IPCEF1: variants seen among roughly 807,000 people sequenced by gnomAD.
The protein encoded by IPCEF1 is interaction protein for cytohesin exchange factors 1, also known as interactor protein for cytohesin exchange factors 1.
IPCEF1 carries 31 observed loss-of-function variants against 50.9 expected under a neutral mutation model. The observed-to-expected ratio is 0.61, with a 90% confidence interval of 0.46 to 0.82. The LOEUF (loss-of-function observed/expected upper bound fraction) is 0.82, where lower values mean the gene tolerates loss of function less well. Among genes scored for constraint, IPCEF1 ranks in the 40% least tolerant of loss-of-function variants. The pLI, the probability that IPCEF1 is intolerant of heterozygous loss-of-function variation, is 0.00. For missense variants in IPCEF1, 458 were observed against 514.0 expected, an observed-to-expected ratio of 0.89 and a Z score of 1.05; for synonymous variants, 181 against 192.0, an observed-to-expected ratio of 0.94 and a Z score of 0.47.
chr6:154,302,247 A>C (rs1413911004), intron 1 of IPCEF1, among the ~76,000 whole-genome samples: 1 of 152,208 alleles, frequency 6.6e-6, no homozygotes, highest in African/African-American at 2.4e-5. Context: ...TGACTCCACA[A>C]ACCACTAGGT....
At chr6:154,195,455 A>G (rs1051513411) in intron 10 of IPCEF1, among the ~76,000 whole-genome samples, 6 of 151,754 alleles carry the variant, frequency 4.0e-5, no homozygotes, top group Admixed American at 1.3e-4. Flanking sequence ...CCCAGCTACA[A>G]TAATTTTTCT....
chr6:154,180,262 G>GGTTCCCAGGTTTTGTAC (rs1800718901), intron 10 of IPCEF1, among the ~76,000 whole-genome samples: 1 of 151,764 alleles, frequency 6.6e-6, no homozygotes, highest in African/African-American at 2.4e-5. Context: ...TGTTAGACTA[G>GGTTCCCAGGTTTTGTAC]CTTAGGATGT....
chr6:154,169,851 TCA>T (rs1799735167), intron 10 of IPCEF1, among the ~76,000 whole-genome samples: 2 of 152,216 alleles, frequency 1.3e-5, no homozygotes, highest in Admixed American at 1.3e-4. Context: ...CCAAGGAGAC[TCA>T]GTTCCAAGAC....
At chr6:154,322,587 C>T (rs1167523346) in intron 1 of IPCEF1, among the ~76,000 whole-genome samples, 1 of 152,046 alleles carries the variant, frequency 6.6e-6, no homozygotes, top group Non-Finnish European at 1.5e-5. Flanking sequence ...GCCGTAATCC[C>T]AGCACTTTGG....
rs373564959 is a variant in IPCEF1 at position 154,179,469 on chromosome 6, T to C, written c.911-11356A>G. Among the ~76,000 whole-genome samples, 231 of 152,332 alleles carry C rather than the reference T, an allele frequency of 1.5e-3. 2 individuals are homozygous for C. The highest frequency in any genetic ancestry group is 3.9e-3 in the African/African-American group (162 of 41,580). On this transcript the variant is annotated intron_variant, in intron 10 of 11. Transcript: ENST00000367220. ...GAGAAGACCGCTTGTCTCTCTCCCA[T>C]TGGAGACGGGAGCCAAATTAATTAT...
Position 154,343,862 on chromosome 6 carries a change from C to T in IPCEF1, c.-62+12810G>A, listed in dbSNP as rs1348993025. Among the ~76,000 whole-genome samples, 3 of 152,208 alleles carry T rather than the reference C, an allele frequency of 2.0e-5. No individual in the cohort carries two copies. In the East Asian group the frequency reaches 5.8e-4, roughly 29 times the overall value. On this transcript the variant is annotated intron_variant, in intron 1 of 11. Coordinates refer to ENST00000367220, the MANE Select transcript of IPCEF1 (RefSeq NM_001130700.2). Reference sequence around the variant, plus strand: ...TGCAGGCCATTAGAAACTGGGTCCACCCAACATGGAGATTCCCACATGTCC... The same window carrying T: ...TGCAGGCCATTAGAAACTGGGTCCATCCAACATGGAGATTCCCACATGTCC...
At chr6:154,273,688 T>G (rs1441425349) in intron 2 of IPCEF1, among the ~76,000 whole-genome samples, 1 of 75,764 alleles carries the variant, frequency 1.3e-5, no homozygotes, top group Non-Finnish European at 2.9e-5. Flanking sequence ...CCAAATTATT[T>G]TAAGCTTTTT....
intron 1 of IPCEF1, among the ~76,000 whole-genome samples, chr6:154,355,935 G>A (rs1784210401): frequency 6.6e-6 from 1 of 151,730 alleles, no homozygotes; most frequent in Admixed American, 6.6e-5. Flanking sequence ...TTACAGGTGT[G>A]AGCCATTGTG....
At chr6:154,234,250 A>G (rs185797023) in intron 5 of IPCEF1, among the ~76,000 whole-genome samples, 1 of 152,262 alleles carries the variant, frequency 6.6e-6, no homozygotes, top group Admixed American at 6.5e-5. Flanking sequence ...TTTTTCCCTT[A>G]GCGTGAAAAC....
intron 10 of IPCEF1, among the ~76,000 whole-genome samples, chr6:154,180,435 C>A (rs1800766916): frequency 7.2e-6 from 1 of 138,114 alleles, no homozygotes; most frequent in Non-Finnish European, 1.5e-5. Context: ...AAACATGATC[C>A]TTCTTGGTGA....
At chr6:154,217,355 G>A (rs35264257) in intron 7 of IPCEF1, 10,366 of 151,786 alleles carry the variant, frequency 0.068, 425 homozygotes, top group African/African-American at 0.1. Context: ...ATATATATGA[G>A]CTCCCTCTGC....
At chr6:154,231,935 AATCATTG>A (rs1779756640) in intron 5 of IPCEF1, among the ~76,000 whole-genome samples, 1 of 152,222 alleles carries the variant, frequency 6.6e-6, no homozygotes, top group African/African-American at 2.4e-5. Flanking sequence ...CCACACAAAT[AATCATTG>A]CTCTGAAAGA....
Position 154,233,606 on chromosome 6 carries a change from T to C in IPCEF1, c.247-10363A>G, listed in dbSNP as rs139558577. Among the ~76,000 whole-genome samples the C allele has an allele frequency of 1.0e-3, 152 of 152,258 alleles. 1 individual carries two copies. The highest frequency in any genetic ancestry group is 3.5e-3 in the African/African-American group (147 of 41,552). The stretch of plus-strand genomic sequence containing the variant: ...GAACCCAGAGATTCTTGGCATTGAT[T>C]ATAAAAACAGATGGAAAGAATTGAT... On this transcript the variant is annotated intron_variant, in intron 5 of 11. Coordinates refer to ENST00000367220, the MANE Select transcript of IPCEF1 (RefSeq NM_001130700.2).
In IPCEF1 at chr6:154,334,995, T is replaced by A. The variant is rs531761446; in HGVS notation, c.-62+21677A>T. 2.6e-4 allele frequency among the ~76,000 whole-genome samples: 39 copies of A among 152,234 alleles called. No homozygotes were observed. The South Asian group carries it at 7.1e-3, about 28-fold the overall frequency. On this transcript the variant is annotated intron_variant, in intron 1 of 11. Coordinates refer to ENST00000367220, the MANE Select transcript of IPCEF1 (RefSeq NM_001130700.2). ...GACCCACCAAGAATAATTGTTTTTT[T>A]CTTCCCCTCCCTGTAAAACCAAGAA...
intron 1 of IPCEF1, among the ~76,000 whole-genome samples, chr6:154,351,160 C>T (rs929864771): frequency 6.6e-6 from 1 of 152,146 alleles, no homozygotes; most frequent in South Asian, 2.1e-4. Flanking sequence ...GCGGTGTTCC[C>T]GCTAAAAAAT....
At chr6:154,170,132 C>A (rs534636051) in intron 10 of IPCEF1, among the ~76,000 whole-genome samples, 4 of 152,286 alleles carry the variant, frequency 2.6e-5, no homozygotes, top group African/African-American at 9.6e-5. Context: ...AATCTTCATC[C>A]TTTGATGTTG....
At chr6:154,229,789 T>C (rs1238183157) in intron 5 of IPCEF1, among the ~76,000 whole-genome samples, 1 of 152,246 alleles carries the variant, frequency 6.6e-6, no homozygotes, top group Admixed American at 6.5e-5. Context: ...ATAACAGCTT[T>C]ATTCATAGTA....
intron 1 of IPCEF1, among the ~76,000 whole-genome samples, chr6:154,323,229 A>C (rs1583988699): frequency 6.6e-6 from 1 of 152,024 alleles, no homozygotes; most frequent in African/African-American, 2.4e-5. Flanking sequence ...TGAGGAATCC[A>C]CACAGCTGTC....
At chr6:154,310,688 G>A (rs1355646959) in intron 1 of IPCEF1, among the ~76,000 whole-genome samples, 1 of 152,074 alleles carries the variant, frequency 6.6e-6, no homozygotes, top group African/African-American at 2.4e-5. Flanking sequence ...AAGAAGGAGA[G>A]TCTGTAATTT....
Sources: allele counts gnomAD v4.1 joint callset (sites outside exome capture counted in the v4.1 genomes callset), GRCh38; gene constraint gnomAD v4.1.1; transcripts MANE v1.5; gene names NCBI Gene and HGNC (gene_info 2026-07-23, HGNC 2026-07-21).